ANKRD31: variants seen among roughly 807,000 people sequenced by gnomAD.
The protein encoded by ANKRD31 is ankyrin repeat domain-containing protein 31.
A neutral mutation model predicts 186.0 loss-of-function variants in ANKRD31; 147 were observed. That is an observed-to-expected ratio of 0.79 (90% CI 0.69 to 0.91). The LOEUF is 0.91. ANKRD31 is among the 40% of genes least tolerant of loss of function. ANKRD31 has a pLI of 0.00. For synonymous variants in ANKRD31, 673 were observed against 736.4 expected (o/e 0.91, Z 1.39); for missense variants, 1,986 against 2,148.8 (o/e 0.92, Z 1.50).
chr5:75,083,746 T>G (rs1351563544), intron 24 of ANKRD31, among the ~76,000 whole-genome samples: 2 of 149,836 alleles, frequency 1.3e-5, no homozygotes, highest in South Asian at 4.2e-4. Context: ...AAAAAAAAAG[T>G]TGGGGGGGAA....
chr5:75,227,867 C>A (rs972955929), intron 2 of ANKRD31, among the ~76,000 whole-genome samples: 11 of 152,148 alleles, frequency 7.2e-5, no homozygotes, highest in Admixed American at 5.2e-4. Context: ...GCATCAGATT[C>A]TCATAGGAGT....
intron 17 of ANKRD31, among the ~76,000 whole-genome samples, chr5:75,119,546 G>A (rs1318780325): frequency 6.6e-6 from 1 of 152,288 alleles, no homozygotes; most frequent in Non-Finnish European, 1.5e-5. Context: ...TGTGAATAGT[G>A]CTGCAATTAA....
intron 20 of ANKRD31, among the ~76,000 whole-genome samples, chr5:75,108,011 C>G (rs1332612430): frequency 6.6e-6 from 1 of 151,834 alleles, no homozygotes; most frequent in Non-Finnish European, 1.5e-5. Flanking sequence ...AAAATTTTTT[C>G]AAGCCATATA....
At chr5:75,115,873 T>C (rs1748197749) in intron 19 of ANKRD31, among the ~76,000 whole-genome samples, 1 of 151,962 alleles carries the variant, frequency 6.6e-6, no homozygotes, top group African/African-American at 2.4e-5. Context: ...GATCTAGAAC[T>C]AGAAATACCA....
chr5:75,150,805 A>G lies in ANKRD31; in HGVS notation c.1853-2177T>C, dbSNP rs1751787181. On this transcript the variant is annotated intron_variant, in intron 12 of 25. Transcript: ENST00000506364. ...AGCAGTTAAGCAGATTATCAAAGCA[A>G]TAATTTAAAAATATACTTTTGCCTC... is the stretch of plus-strand genomic sequence containing the variant. 2.0e-5 allele frequency among the ~76,000 whole-genome samples: 3 copies of G among 152,054 alleles called. No individual in the cohort carries two copies. In the South Asian group the frequency reaches 6.2e-4, roughly 31 times the overall value.
At chr5:75,115,555 T>G (rs1748160571) in intron 19 of ANKRD31, among the ~76,000 whole-genome samples, 2 of 150,646 alleles carry the variant, frequency 1.3e-5, no homozygotes, top group African/African-American at 4.9e-5. Flanking sequence ...CTCAAACAAA[T>G]TTACAAGAAA....
chr5:75,117,299 T>C (rs1748376612), intron 18 of ANKRD31, among the ~76,000 whole-genome samples: 1 of 152,260 alleles, frequency 6.6e-6, no homozygotes, highest in East Asian at 1.9e-4. Context: ...CTTTCAGGTA[T>C]AGCTGTGAAG....
At chr5:75,208,693 T>C (rs1218199643) in intron 4 of ANKRD31, among the ~76,000 whole-genome samples, 1 of 152,220 alleles carries the variant, frequency 6.6e-6, no homozygotes, top group East Asian at 1.9e-4. Context: ...AGACTTTATC[T>C]GCCTAAGACA....
intron 15 of ANKRD31, among the ~76,000 whole-genome samples, chr5:75,141,739 G>C (rs909926878): frequency 6.6e-6 from 1 of 152,032 alleles, no homozygotes; most frequent in Non-Finnish European, 1.5e-5. Context: ...GGAGGTCAAG[G>C]CTGCAGTGAA....
At chr5:75,199,824 T>A (rs1228400098) in intron 5 of ANKRD31, 150 bp from the exon 6 acceptor site, 1 of 308,592 alleles carries the variant, frequency 3.2e-6, no homozygotes, top group Non-Finnish European at 5.6e-6. Context: ...TTTATTAGTA[T>A]AAAAGTATTA....
At chr5:75,099,440 C>A (rs1380124044) in intron 22 of ANKRD31, among the ~76,000 whole-genome samples, 1 of 152,144 alleles carries the variant, frequency 6.6e-6, no homozygotes, top group Non-Finnish European at 1.5e-5. Flanking sequence ...ATGATGCTGG[C>A]CTCATCAAAT....
chr5:75,123,812 T>A (rs1328223315), intron 17 of ANKRD31, among the ~76,000 whole-genome samples: 1 of 152,072 alleles, frequency 6.6e-6, no homozygotes, highest in African/African-American at 2.4e-5. Flanking sequence ...AAATTTGTGA[T>A]CTGAAACTAT....
chr5:75,215,109 G>A (rs1183984298), intron 3 of ANKRD31, among the ~76,000 whole-genome samples: 6 of 152,180 alleles, frequency 3.9e-5, no homozygotes, highest in Non-Finnish European at 5.9e-5. Context: ...TACAGATGGA[G>A]TTTAAAGGCC....
chr5:75,195,492 A>G, intron 7 of ANKRD31, 139 bp downstream of exon 7: 1 of 682,050 alleles, frequency 1.5e-6, no homozygotes, highest in South Asian at 2.3e-5. Flanking sequence ...CACAATGAAA[A>G]CTTGTTGAAG....
chr5:75,181,412 G>A (rs1754281833), intron 10 of ANKRD31, among the ~76,000 whole-genome samples: 1 of 152,112 alleles, frequency 6.6e-6, no homozygotes, highest in Non-Finnish European at 1.5e-5. Context: ...TATAAATCAT[G>A]CTGCTATAAA....
Position 75,105,200 on chromosome 5 carries a change from A to G in ANKRD31, c.4359T>C (p.Phe1453=), listed in dbSNP as rs747795807. ...AKKYRVSIES[F]KHGALREQLA... Reference sequence around the variant, plus strand: ...ATTGTTCTCTCAGGGCTCCATGCTTAAATGACTCTATGGATACCCTATAGG... The same window carrying G: ...ATTGTTCTCTCAGGGCTCCATGCTTGAATGACTCTATGGATACCCTATAGG... The change falls in exon 22 of 26, where the codon TTT becomes TTC. Residue 1453 remains phenylalanine (F), a synonymous_variant. Transcript: ENST00000506364. 130 of 1,526,298 alleles carry G rather than the reference A, an allele frequency of 8.5e-5. No individual in the cohort carries two copies. The African/African-American group carries it at 1.6e-3, about 19-fold the overall frequency. The allele number at this position is 1,526,298 out of a possible 1,614,324, so 94.5% of individuals were successfully genotyped here. A position where few individuals can be genotyped will look rare whatever the true frequency, so the allele number is the denominator to read the frequency against.
At chr5:75,174,989 T>A (rs1314887032) in intron 10 of ANKRD31, among the ~76,000 whole-genome samples, 1 of 152,158 alleles carries the variant, frequency 6.6e-6, no homozygotes, top group East Asian at 1.9e-4. Flanking sequence ...CAAATGCCCA[T>A]CAGTGATAGA....
intron 22 of ANKRD31, among the ~76,000 whole-genome samples, chr5:75,091,626 A>G (rs1490729383): frequency 2.0e-5 from 3 of 152,152 alleles, no homozygotes; most frequent in Non-Finnish European, 4.4e-5. Context: ...GTGAGAGTCT[A>G]TGGTATTTGA....
At chr5:75,075,679 G>C (rs1424453049) in intron 25 of ANKRD31, among the ~76,000 whole-genome samples, 1 of 152,094 alleles carries the variant, frequency 6.6e-6, no homozygotes, top group Admixed American at 6.6e-5. Context: ...CAAGCTTTGG[G>C]CCAGTGAAGA....
Sources: allele counts gnomAD v4.1 joint callset (sites outside exome capture counted in the v4.1 genomes callset), GRCh38; gene constraint gnomAD v4.1.1; transcripts MANE v1.5; gene names NCBI Gene and HGNC (gene_info 2026-07-23, HGNC 2026-07-21).